Variants in ASTN2 observed in about 807,000 individuals in gnomAD.
ASTN2 encodes astrotactin-2.
In ASTN2, 54 loss-of-function variants were observed where a neutral mutation model predicts 139.8. The ratio of observed to expected loss-of-function variants is 0.39; its 90% confidence interval spans 0.31 to 0.48. The LOEUF (loss-of-function observed/expected upper bound fraction) is 0.48, where lower values mean the gene tolerates loss of function less well. Among genes scored for constraint, ASTN2 ranks in the 20% least tolerant of loss-of-function variants. The pLI is 0.95. For synonymous variants in ASTN2, 756 were observed against 719.5 expected (o/e 1.05, Z -0.81); for missense variants, 1,565 against 1,725.1 (o/e 0.91, Z 1.64).
chr9:117,230,046 C>G (rs1485247369), intron 2 of ASTN2, among the ~76,000 whole-genome samples: 1 of 151,512 alleles, frequency 6.6e-6, no homozygotes, highest in Non-Finnish European at 1.5e-5. Context: ...TAGCGCACAT[C>G]TAGCCCCAGC....
Position 117,219,188 on chromosome 9 carries a change from C to CA in ASTN2, c.631-4447dup, listed in dbSNP as rs528987351. Among the ~76,000 whole-genome samples, 365 of 152,174 alleles carry CA rather than the reference C, an allele frequency of 2.4e-3. 2 individuals are homozygous for CA. The highest frequency in any genetic ancestry group is 3.5e-3 in the Non-Finnish European group (241 of 67,994). ...TCAAGAAGGAAGTGTAGACTGTGTC[C>CA]ACCTGCACTGGTCCAGGCTTCTGTC... is the stretch of plus-strand genomic sequence containing the variant. On this transcript the variant is annotated intron_variant, in intron 2 of 22. Coordinates refer to ENST00000313400, the MANE Select transcript of ASTN2 (RefSeq NM_001365068.1).
intron 1 of ASTN2, among the ~76,000 whole-genome samples, chr9:117,400,721 C>A (rs1398645582): frequency 1.3e-5 from 2 of 152,180 alleles, no homozygotes; most frequent in Non-Finnish European, 2.9e-5. Context: ...TAACTCCAGC[C>A]TCAGAAGTTC....
At chr9:117,189,773 G>T (rs927091545) in intron 3 of ASTN2, among the ~76,000 whole-genome samples, 3 of 152,132 alleles carry the variant, frequency 2.0e-5, no homozygotes, top group Non-Finnish European at 4.4e-5. Context: ...AGGTCTCTTG[G>T]TCTCTGATCT....
chr9:116,988,710 C>A (rs1474395402), intron 7 of ASTN2, among the ~76,000 whole-genome samples: 1 of 152,154 alleles, frequency 6.6e-6, no homozygotes, highest in Non-Finnish European at 1.5e-5. Flanking sequence ...AATGAATGAA[C>A]TCAGCACAAC....
intron 1 of ASTN2, among the ~76,000 whole-genome samples, chr9:117,320,204 G>A (rs866836985): frequency 2.3e-4 from 35 of 152,194 alleles, no homozygotes; most frequent in African/African-American, 5.1e-4. Flanking sequence ...GATGCTCACC[G>A]AAATACAGAT....
chr9:116,576,621 C>T (rs1853732600), intron 19 of ASTN2, among the ~76,000 whole-genome samples: 1 of 152,146 alleles, frequency 6.6e-6, no homozygotes, highest in Admixed American at 6.5e-5. Flanking sequence ...AGCACACTAG[C>T]AAGAACGGCC....
intron 1 of ASTN2, among the ~76,000 whole-genome samples, chr9:117,370,057 C>T (rs1466765128): frequency 6.6e-6 from 1 of 152,160 alleles, no homozygotes; most frequent in Non-Finnish European, 1.5e-5. Flanking sequence ...TCCCTCCACA[C>T]TGCCACCCTT....
chr9:116,574,127 C>T (rs368829022), intron 19 of ASTN2, among the ~76,000 whole-genome samples: 1 of 152,098 alleles, frequency 6.6e-6, no homozygotes, highest in Admixed American at 6.5e-5. Flanking sequence ...TATGAAGTAG[C>T]TGGTAGTAAA....
rs1258890259 is a variant in ASTN2 at position 117,141,495 on chromosome 9, G to A, written c.1016-17C>T. The A allele has an allele frequency of 1.5e-6, 2 of 1,365,502 alleles. No individual in the cohort carries two copies. The highest frequency in any genetic ancestry group is 1.1e-5 in the South Asian group (1 of 87,998). The allele number at this position is 1,365,502 out of a possible 1,614,324, so 84.6% of individuals were successfully genotyped here. A position where few individuals can be genotyped will look rare whatever the true frequency, so the allele number is the denominator to read the frequency against. ...CAGCTGCTGCTATAAGGTAGCAATG[G>A]GGCTGAGGTTAGGGCTTGAGCCCAC... On this transcript the variant is annotated splice_polypyrimidine_tract_variant and intron_variant, in intron 3 of 22. Transcript: ENST00000313400.
chr9:117,374,541 A>G (rs1281804952), intron 1 of ASTN2, among the ~76,000 whole-genome samples: 3 of 152,170 alleles, frequency 2.0e-5, no homozygotes, highest in East Asian at 1.9e-4. Flanking sequence ...GAGAGGCTGC[A>G]TAGCTGCAAG....
chr9:116,500,907 A>G (rs1323864511), intron 19 of ASTN2, among the ~76,000 whole-genome samples: 1 of 152,126 alleles, frequency 6.6e-6, no homozygotes, highest in Non-Finnish European at 1.5e-5. Flanking sequence ...GAAAGGAAAA[A>G]CTCAACAAAC....
chr9:116,735,370 CA>C (rs1275678087), intron 13 of ASTN2, among the ~76,000 whole-genome samples: 1 of 152,152 alleles, frequency 6.6e-6, no homozygotes, highest in African/African-American at 2.4e-5. Context: ...ATGGAAGTAC[CA>C]CCACATAGCA....
chr9:116,796,728 A>C (rs1007517173), intron 13 of ASTN2, among the ~76,000 whole-genome samples: 1 of 152,196 alleles, frequency 6.6e-6, no homozygotes, highest in Non-Finnish European at 1.5e-5. Context: ...AAGATAAATA[A>C]GTTCTGGAGA....
chr9:116,593,374 A>C (rs1854448307), intron 19 of ASTN2, among the ~76,000 whole-genome samples: 1 of 152,192 alleles, frequency 6.6e-6, no homozygotes, highest in South Asian at 2.1e-4. Context: ...AAAAATTATC[A>C]AACTGTCCCA....
intron 2 of ASTN2, among the ~76,000 whole-genome samples, chr9:117,249,674 T>C (rs750005169): frequency 3.4e-5 from 5 of 148,152 alleles, no homozygotes; most frequent in Admixed American, 7.1e-5. Flanking sequence ...GAGCATGACA[T>C]GAAAACCACT....
chr9:116,746,545 T>C (rs1829240168), intron 13 of ASTN2, among the ~76,000 whole-genome samples: 1 of 152,222 alleles, frequency 6.6e-6, no homozygotes, highest in Non-Finnish European at 1.5e-5. Flanking sequence ...CCACCTGCAC[T>C]CTGAATGTTT....
At chr9:116,920,482 A>G (rs1834574420) in intron 10 of ASTN2, among the ~76,000 whole-genome samples, 1 of 152,248 alleles carries the variant, frequency 6.6e-6, no homozygotes, top group Admixed American at 6.5e-5. Flanking sequence ...ATCCTGGGTC[A>G]GGATCCCACC....
intron 2 of ASTN2, among the ~76,000 whole-genome samples, chr9:117,284,229 G>T (rs1038400570): frequency 3.3e-5 from 5 of 152,128 alleles, no homozygotes; most frequent in Non-Finnish European, 7.4e-5. Context: ...TCAGCCTCAT[G>T]AGTAGCTAGG....
At chr9:117,255,846 A>G (rs779628407) in intron 2 of ASTN2, among the ~76,000 whole-genome samples, 7 of 152,196 alleles carry the variant, frequency 4.6e-5, no homozygotes, top group Non-Finnish European at 1.0e-4. Context: ...CGGGGCAAGT[A>G]CCACAATGAA....
Sources: allele counts gnomAD v4.1 joint callset (sites outside exome capture counted in the v4.1 genomes callset), GRCh38; gene constraint gnomAD v4.1.1; transcripts MANE v1.5; gene names NCBI Gene and HGNC (gene_info 2026-07-23, HGNC 2026-07-21).